GADL1: variants seen among roughly 807,000 people sequenced by gnomAD.
GADL1 encodes acidic amino acid decarboxylase GADL1.
A neutral mutation model predicts 69.5 loss-of-function variants in GADL1; 71 were observed. That is an observed-to-expected ratio of 1.02 (90% CI 0.84 to 1.25). The LOEUF (loss-of-function observed/expected upper bound fraction) is 1.25, where lower values mean the gene tolerates loss of function less well. GADL1 is among the 50% of genes most tolerant of loss of function. The pLI is 0.00. For missense variants in GADL1, 737 were observed against 631.8 expected, an observed-to-expected ratio of 1.17 and a Z score of -1.79; for synonymous variants, 254 against 214.4, an observed-to-expected ratio of 1.18 and a Z score of -1.62.
chr3:30,763,234 C>T (rs554617385), intron 14 of GADL1, among the ~76,000 whole-genome samples: 1 of 152,134 alleles, frequency 6.6e-6, no homozygotes, highest in Non-Finnish European at 1.5e-5. Context: ...AACAGTGGCT[C>T]ACGCCTGTAA....
chr3:30,864,180 GAGCAATTATTCC>G (rs1039864504), intron 1 of GADL1, among the ~76,000 whole-genome samples: 2 of 151,978 alleles, frequency 1.3e-5, no homozygotes. Context: ...GTAAGAAAGA[GAGCAATTATTCC>G]AGGAACTCTG....
intron 14 of GADL1, among the ~76,000 whole-genome samples, chr3:30,773,016 A>T: frequency 7.2e-6 from 1 of 138,106 alleles, no homozygotes; most frequent in East Asian, 2.0e-4. Context: ...TGTGTTAGGA[A>T]GGAGGGGAGA....
At chr3:30,822,704 A>G in intron 11 of GADL1, among the ~76,000 whole-genome samples, 1 of 152,058 alleles carries the variant, frequency 6.6e-6, no homozygotes, top group Non-Finnish European at 1.5e-5. Context: ...AAATATGGAA[A>G]GAAAATACCA....
intron 14 of GADL1, among the ~76,000 whole-genome samples, chr3:30,752,552 C>T (rs576897265): frequency 6.6e-6 from 1 of 152,144 alleles, no homozygotes; most frequent in African/African-American, 2.4e-5. Flanking sequence ...TCACCATAAC[C>T]ACTCATAAAC....
intron 14 of GADL1, among the ~76,000 whole-genome samples, chr3:30,775,989 G>A (rs986151603): frequency 6.6e-6 from 1 of 152,140 alleles, no homozygotes; most frequent in Admixed American, 6.5e-5. Context: ...GGAGACTAGG[G>A]ATGTGGGAAT....
Position 30,800,935 on chromosome 3 carries a change from T to C in GADL1, c.1204A>G (p.Thr402Ala), listed in dbSNP as rs1448669772. 2.5e-6 allele frequency: 4 copies of C among 1,613,128 alleles called. No individual in the cohort carries two copies. Among genetic ancestry groups the C allele is most frequent in the Non-Finnish European group, 3.4e-6 (4 of 1,179,678 alleles). Residue 402 changes from threonine (T) to alanine (A), a missense_variant, in exon 12 of 15, where the codon ACA becomes GCA. Physicochemically the swap from Thr to Ala is moderately conservative, Grantham distance 58. Transcript: ENST00000282538. ...KFWMTWKALG[T>A]LGLEERVNRA... ...TTAACTCTTTCTTCAAGGCCTAATG[T>C]ACCCAGGGCCTTCCAGGTCATCCAG...
At position 30,833,932 on chromosome 3, in the gene GADL1, G is replaced by T; in HGVS notation, c.971C>A (p.Ala324Asp). 6.2e-7 allele frequency: 1 copy of T among 1,610,900 alleles called. No individual in the cohort carries two copies. Among genetic ancestry groups the T allele is most frequent in the Non-Finnish European group, 8.5e-7 (1 of 1,177,582 alleles). The change falls in exon 11 of 15, where the codon GCT becomes GAT. Residue 324 changes from alanine to aspartate, a missense_variant and splice_region_variant. Ala to Asp is a moderately radical substitution (Grantham distance 126). Coordinates refer to ENST00000282538, the MANE Select transcript of GADL1 (RefSeq NM_207359.3). ...GTGTGGGTTCCAGGCCACAGAGTCA[G>T]CCCTATTGTTTAAACAAAGGGACAG... ...HRKLLHGIHR[A>D]DSVAWNPHKM...
intron 9 of GADL1, among the ~76,000 whole-genome samples, chr3:30,836,852 C>T (rs1697883579): frequency 6.6e-6 from 1 of 152,050 alleles, no homozygotes; most frequent in Admixed American, 6.6e-5. Context: ...ACTAGCATAA[C>T]AATTGCCCTC....
chr3:30,829,377 G>A (rs372598113), intron 11 of GADL1, among the ~76,000 whole-genome samples: 3 of 151,896 alleles, frequency 2.0e-5, no homozygotes, highest in East Asian at 3.9e-4. Context: ...CATTGTGGAT[G>A]TCAGGGCTTT....
chr3:30,764,248 T>C (rs969891201), intron 14 of GADL1, among the ~76,000 whole-genome samples: 12 of 152,112 alleles, frequency 7.9e-5, no homozygotes, highest in Admixed American at 1.3e-4. Context: ...TCCGAGTCAT[T>C]TTCCCTACTC....
intron 1 of GADL1, among the ~76,000 whole-genome samples, chr3:30,872,085 A>G (rs1370654082): frequency 1.3e-5 from 2 of 151,862 alleles, no homozygotes; most frequent in East Asian, 3.9e-4. Flanking sequence ...TCTCCAAACC[A>G]CCTCCACCCA....
At chr3:30,824,821 G>A (rs9824295) in intron 11 of GADL1, among the ~76,000 whole-genome samples, 40,192 of 150,722 alleles carry the variant, frequency 0.27, 6,288 homozygotes, top group African/African-American at 0.42. Flanking sequence ...AAGATCTCTG[G>A]GTTTCTGGTT....
At chr3:30,782,611 T>C (rs375508841) in intron 13 of GADL1, among the ~76,000 whole-genome samples, 2 of 152,074 alleles carry the variant, frequency 1.3e-5, no homozygotes, top group Non-Finnish European at 2.9e-5. Context: ...AGGAGCTAAG[T>C]TGAGGATGAA....
intron 1 of GADL1, among the ~76,000 whole-genome samples, chr3:30,862,592 T>G (rs1380789008): frequency 6.6e-6 from 1 of 151,996 alleles, no homozygotes; most frequent in Non-Finnish European, 1.5e-5. Context: ...TTTATTTTCC[T>G]CAAGGAAGAG....
Position 30,780,781 on chromosome 3 carries a change from G to A in GADL1, c.1303-2513C>T, listed in dbSNP as rs991994942. On this transcript the variant is annotated intron_variant, in intron 13 of 14. Transcript: ENST00000282538. ...GGCTTCAGTGCTACAACATTTGAAA[G>A]CTTATAAAGCCCTTCTGACACTTCA... 2.6e-5 allele frequency among the ~76,000 whole-genome samples: 4 copies of A among 152,150 alleles called. No homozygotes were observed. The East Asian group carries it at 7.7e-4, about 29-fold the overall frequency.
At position 30,844,474 on chromosome 3, in the gene GADL1, C is replaced by A; in HGVS notation, c.652-8G>T. 6.3e-7 allele frequency: 1 copy of A among 1,580,316 alleles called. No homozygotes were observed. The highest frequency in any genetic ancestry group is 1.1e-5 in the South Asian group (1 of 90,242). ...CTTCATAGAGTAATGACACTGAATTCAAAGGGACAGTGGGGAAGGGGGAGA... is the reference window on the plus strand; with the variant it reads ...CTTCATAGAGTAATGACACTGAATTAAAAGGGACAGTGGGGAAGGGGGAGA... On this transcript the variant is annotated splice_polypyrimidine_tract_variant and splice_region_variant and intron_variant, in intron 6 of 14. Coordinates refer to ENST00000282538, the MANE Select transcript of GADL1 (RefSeq NM_207359.3).
chr3:30,884,689 A>T (rs534333773), intron 1 of GADL1, among the ~76,000 whole-genome samples: 100 of 152,144 alleles, frequency 6.6e-4, no homozygotes, highest in Non-Finnish European at 1.3e-3. Context: ...CTCATTATAC[A>T]TTGCATTTGT....
chr3:30,748,314 AT>A (rs1160110713), intron 14 of GADL1, among the ~76,000 whole-genome samples: 2 of 152,130 alleles, frequency 1.3e-5, no homozygotes, highest in African/African-American at 2.4e-5. Context: ...TAAGGATGTA[AT>A]TTTTTTAAGT....
At position 30,786,357 on chromosome 3, in the gene GADL1, C is replaced by T; in HGVS notation, c.1300G>A (p.Glu434Lys). 6.4e-7 allele frequency: 1 copy of T among 1,553,504 alleles called. No individual in the cohort carries two copies. Among genetic ancestry groups the T allele is most frequent in the South Asian group, 1.1e-5 (1 of 89,604 alleles). The change falls in exon 13 of 15, where the codon GAA becomes AAA. Residue 434 changes from glutamate to lysine, a missense_variant and splice_region_variant. Coordinates refer to ENST00000282538, the MANE Select transcript of GADL1 (RefSeq NM_207359.3). The part of the protein sequence containing the change: ...KKREGFKLLM[E>K]PEYANICFWY... ...AGCACAATTATGCAATCACTTACTT[C>T]CATCAGTAACTTGAATCCTTCTCTT...
Sources: allele counts gnomAD v4.1 joint callset (sites outside exome capture counted in the v4.1 genomes callset), GRCh38; gene constraint gnomAD v4.1.1; transcripts MANE v1.5; gene names NCBI Gene and HGNC (gene_info 2026-07-23, HGNC 2026-07-21).